Variants in SZT2 observed in about 807,000 individuals in gnomAD.
SZT2 encodes the protein SZT2 subunit of KICSTOR complex.
A neutral mutation model predicts 404.2 loss-of-function variants in SZT2; 216 were observed. The ratio of observed to expected loss-of-function variants is 0.53; its 90% CI spans 0.48 to 0.60. The LOEUF is 0.60. Among genes scored for constraint, SZT2 ranks in the 20% least tolerant of loss-of-function variants. The probability of loss-of-function intolerance (pLI) is 0.00; values close to 1 mark genes in which losing one functional copy is unlikely to be tolerated. For synonymous variants in SZT2, 1,693 were observed against 1,749.9 expected (o/e 0.97, Z 0.81); for missense variants, 3,857 against 4,459.2 (o/e 0.86, Z 3.85).
Position 43,437,199 on chromosome 1 carries a change from C to T in SZT2, c.6063C>T (p.Pro2021=). 1 of 1,614,148 alleles carries T rather than the reference C, an allele frequency of 6.2e-7. No individual in the cohort carries two copies. Residue 2021 remains proline, a synonymous_variant, in exon 43 of 72, where the codon CCC becomes CCT. Coordinates refer to ENST00000634258, the MANE Select transcript of SZT2 (RefSeq NM_001365999.1). The surrounding 1 kb of genome is among the most constrained non-coding windows in gnomAD (Gnocchi z 5.3). The part of the protein sequence containing the change: ...DDYAADESCA[P]RGYLAATMQF... Reference sequence around the variant, plus strand: ...ATGCTGCTGATGAGAGCTGTGCGCCCCGTGGGTACCTGGCAGCCACAATGC... The same window carrying T: ...ATGCTGCTGATGAGAGCTGTGCGCCTCGTGGGTACCTGGCAGCCACAATGC...
Position 43,426,832 on chromosome 1 carries a change from G to C in SZT2, c.3309+23G>C. 2 of 1,610,380 alleles carry C rather than the reference G, an allele frequency of 1.2e-6. No individual in the cohort carries two copies. Among genetic ancestry groups the C allele is most frequent in the East Asian group, 4.5e-5 (2 of 44,804 alleles). On this transcript the variant is annotated intron_variant, in intron 23 of 71. Transcript: ENST00000634258. This position sits in a 1 kb window ranked among gnomAD's most constrained non-coding sequence, Gnocchi z 4.9. ...CTGGTCAGCACCGATTCTTCTCCCT[G>C]AGCCCTTGTCACACTGACCTCCTTC...
In SZT2 at chr1:43,426,872, C is replaced by A; in HGVS notation, c.3309+63C>A. The A allele has an allele frequency of 6.4e-7, 1 of 1,573,358 alleles. No individual in the cohort carries two copies. ...TGACCTCCTTCCAGCACCACATCTTCAGGCCCCAACCTTCTACCGCCCTTG... is the reference window on the plus strand; with the variant it reads ...TGACCTCCTTCCAGCACCACATCTTAAGGCCCCAACCTTCTACCGCCCTTG... On this transcript the variant is annotated intron_variant, in intron 23 of 71. Transcript: ENST00000634258. This position sits in a 1 kb window ranked among gnomAD's most constrained non-coding sequence, Gnocchi z 4.9.
intron 62 of SZT2, among the ~76,000 whole-genome samples, chr1:43,444,927 C>T (rs1217166615): frequency 6.6e-6 from 1 of 152,184 alleles, no homozygotes; most frequent in Non-Finnish European, 1.5e-5. Flanking sequence ...AGTTCCAACT[C>T]TCTCATGTTT....
Position 43,420,173 on chromosome 1 carries a change from A to G in SZT2, c.1111A>G (p.Asn371Asp). Residue 371 changes from asparagine (N) to aspartate (D), a missense_variant, in exon 9 of 72, where the codon AAT (asparagine) becomes GAT (aspartate). Around this residue, in one of 7 missense-constraint regions of SZT2, gnomAD observed 536 missense variants for 637.4 expected, o/e 0.84. Coordinates refer to ENST00000634258, the MANE Select transcript of SZT2 (RefSeq NM_001365999.1). The surrounding 1 kb of genome is among the most constrained non-coding windows in gnomAD (Gnocchi z 5.1). Reference sequence around the variant, plus strand: ...TCCAGGCTCTCAGCACCGCCTATTTAATGAGCACCTGGTCTCTGCAAGCAG... The same window carrying G: ...TCCAGGCTCTCAGCACCGCCTATTTGATGAGCACCTGGTCTCTGCAAGCAG... ...YYCGSQHRLFNEHLVSASSNP... is the reference protein window; with the variant it reads ...YYCGSQHRLFDEHLVSASSNP... 2 of 1,598,378 alleles carry G rather than the reference A, an allele frequency of 1.3e-6. No individual in the cohort carries two copies. Among genetic ancestry groups the G allele is most frequent in the Non-Finnish European group, 1.7e-6 (2 of 1,179,766 alleles).
rs1654881590 is a variant in SZT2 at position 43,439,923 on chromosome 1, A to C, written c.7085A>C (p.Lys2362Thr). The C allele has an allele frequency of 6.2e-7, 1 of 1,611,012 alleles. No individual in the cohort carries two copies. Among genetic ancestry groups the C allele is most frequent in the Non-Finnish European group, 8.5e-7 (1 of 1,178,432 alleles). ...APRLRLDVWE[K>T]GNISIVQLEE... ...CGGCTTCGATTGGATGTGTGGGAAAAGGGGAACATTAGTATTGTGCAGCTG... is the reference window on the plus strand; with the variant it reads ...CGGCTTCGATTGGATGTGTGGGAAACGGGGAACATTAGTATTGTGCAGCTG... The change falls in exon 51 of 72, where the codon AAG becomes ACG. Residue 2362 changes from lysine (K) to threonine (T), a missense_variant. Coordinates refer to ENST00000634258, the MANE Select transcript of SZT2 (RefSeq NM_001365999.1). This position sits in a 1 kb window ranked among gnomAD's most constrained non-coding sequence, Gnocchi z 4.2.
intron 41 of SZT2, among the ~76,000 whole-genome samples, chr1:43,434,856 A>G (rs780898157): frequency 2.0e-5 from 3 of 152,210 alleles, no homozygotes; most frequent in Non-Finnish European, 4.4e-5. Context: ...TACTTCAATT[A>G]CAATTGTGAA....
intron 4 of SZT2, 138 bp downstream of exon 4, chr1:43,404,688 C>T: frequency 1.2e-6 from 1 of 811,122 alleles, no homozygotes; most frequent in Non-Finnish European, 1.9e-6. Context: ...TTCTAGTCAT[C>T]CTCATGAGTC....
At chr1:43,449,629 G>C (rs563765867) in intron 70 of SZT2, 1 of 194,968 alleles carries the variant, frequency 5.1e-6, no homozygotes, top group Admixed American at 5.2e-5. Context: ...TCAGGGATTC[G>C]AGCTCAGGAG....
In SZT2 at chr1:43,437,567, T is replaced by C. The variant is rs557038573; in HGVS notation, c.6291-28T>C. ...ATTAAGGATGGCCTGGGAGGAGGCA[T>C]GTCCAAAGACATGCTGCTCTTTCCC... On this transcript the variant is annotated intron_variant, in intron 44 of 71. Coordinates refer to ENST00000634258, the MANE Select transcript of SZT2 (RefSeq NM_001365999.1). The surrounding 1 kb of genome is among the most constrained non-coding windows in gnomAD (Gnocchi z 5.3). 7 of 1,614,034 alleles carry C rather than the reference T, an allele frequency of 4.3e-6. No individual in the cohort carries two copies. The East Asian group carries it at 1.3e-4, about 31-fold the overall frequency.
chr1:43,415,049 GT>G, intron 4 of SZT2, 32 bp from the exon 5 acceptor site: 1 of 1,592,808 alleles, frequency 6.3e-7, no homozygotes, highest in East Asian at 2.2e-5. Context: ...CACCCTGACC[GT>G]CCTGTCTCAG....
rs772152391 is a variant in SZT2 at position 43,451,642 on chromosome 1, T to G, written c.*1162T>G. ...AGGGTGGGAGGGCAAAGGAAGGTCC[T>G]CTCACCAACAATGGGCAGGAACTCC... On this transcript the variant is annotated 3_prime_UTR_variant, in exon 72 of 72. Coordinates refer to ENST00000634258, the MANE Select transcript of SZT2 (RefSeq NM_001365999.1). The G allele has an allele frequency of 6.2e-7, 1 of 1,613,978 alleles. No individual in the cohort carries two copies. The highest frequency in any genetic ancestry group is 1.1e-5 in the South Asian group (1 of 91,090).
rs1652278470 is a variant in SZT2 at position 43,420,927 on chromosome 1, C to G, written c.1440C>G (p.Pro480=). 1 of 1,598,338 alleles carries G rather than the reference C, an allele frequency of 6.3e-7. No individual in the cohort carries two copies. The highest frequency in any genetic ancestry group is 1.3e-5 in the African/African-American group (1 of 74,922). ...LHDVSCALRQ[P]IRSLYRTHVI... ...ATGTGTCCTGTGCACTAAGGCAGCC[C>G]ATTCGTTCATTGTATCGTACCCATG... is the stretch of plus-strand genomic sequence containing the variant. Residue 480 remains proline, a synonymous_variant, in exon 10 of 72, where the codon CCC becomes CCG. Transcript: ENST00000634258. The surrounding 1 kb of genome is among the most constrained non-coding windows in gnomAD (Gnocchi z 5.1).
chr1:43,440,390 TCA>T (rs1654932903), intron 51 of SZT2, 61 bp from the exon 52 acceptor site: 6 of 1,517,630 alleles, frequency 4.0e-6, no homozygotes, highest in Non-Finnish European at 5.3e-6. Flanking sequence ...GTCTTGAGGT[TCA>T]GTTTTCTAGA....
chr1:43,426,263 A>T lies in SZT2; in HGVS notation c.3044-105A>T. On this transcript the variant is annotated intron_variant, in intron 21 of 71. Coordinates refer to ENST00000634258, the MANE Select transcript of SZT2 (RefSeq NM_001365999.1). The surrounding 1 kb of genome is among the most constrained non-coding windows in gnomAD (Gnocchi z 4.9). ...AAGTGAGCAGATGAGTGGTGGGGGCAGGAGGAGCCCATGAGGCTGAAGGAG... is the reference window on the plus strand; with the variant it reads ...AAGTGAGCAGATGAGTGGTGGGGGCTGGAGGAGCCCATGAGGCTGAAGGAG... The T allele has an allele frequency of 1.3e-6, 2 of 1,491,054 alleles. No homozygotes were observed. Among genetic ancestry groups the T allele is most frequent in the Non-Finnish European group, 1.8e-6 (2 of 1,108,316 alleles). The allele number at this position is 1,491,054 out of a possible 1,614,324, so 92.4% of individuals were successfully genotyped here.
rs763369193 is a variant in SZT2, at chr1:43,426,504, G to A, written c.3180G>A (p.Leu1060=). Reference sequence around the variant, plus strand: ...CCCCCGTTGACCAGGCTGCCTTCTTGAGTGAGGTGCTGCGGCGGACCTGCC... The same window carrying A: ...CCCCCGTTGACCAGGCTGCCTTCTTAAGTGAGGTGCTGCGGCGGACCTGCC... ...PLTPVDQAAF[L]SEVLRRTCHV... The change falls in exon 22 of 72, where the codon TTG becomes TTA. Residue 1060 remains leucine (L), a synonymous_variant. Coordinates refer to ENST00000634258, the MANE Select transcript of SZT2 (RefSeq NM_001365999.1). The surrounding 1 kb of genome is among the most constrained non-coding windows in gnomAD (Gnocchi z 4.9). 4 of 1,594,764 alleles carry A rather than the reference G, an allele frequency of 2.5e-6. No homozygotes were observed. Among genetic ancestry groups the A allele is most frequent in the Non-Finnish European group, 8.5e-7 (1 of 1,178,308 alleles).
intron 42 of SZT2, 98 bp downstream of exon 42, chr1:43,435,427 T>C: frequency 7.0e-7 from 1 of 1,422,190 alleles, no homozygotes; most frequent in Non-Finnish European, 9.5e-7. Context: ...TCCTCATTAC[T>C]TGGTCATCAG....
At position 43,439,523 on chromosome 1, in the gene SZT2, C is replaced by G; in HGVS notation, c.6877+81C>G. ...ATCCTATTGCTAAGAGGACATTTCC[C>G]AGGCTTGCAGCTGAGTGGAGGGTCG... On this transcript the variant is annotated intron_variant, in intron 49 of 71. Coordinates refer to ENST00000634258, the MANE Select transcript of SZT2 (RefSeq NM_001365999.1). The surrounding 1 kb of genome is among the most constrained non-coding windows in gnomAD (Gnocchi z 4.2). 6.2e-7 allele frequency: 1 copy of G among 1,600,906 alleles called. No homozygotes were observed. Among genetic ancestry groups the G allele is most frequent in the Non-Finnish European group, 8.5e-7 (1 of 1,172,334 alleles).
At chr1:43,414,591 T>A (rs1407254627) in intron 4 of SZT2, among the ~76,000 whole-genome samples, 4 of 152,058 alleles carry the variant, frequency 2.6e-5, no homozygotes, top group African/African-American at 7.2e-5. Context: ...CAGCTAATTT[T>A]TGTAAAATTG....
intron 66 of SZT2, 97 bp from the exon 67 acceptor site, chr1:43,447,448 C>T (rs897239218): frequency 1.5e-5 from 23 of 1,494,522 alleles, no homozygotes; most frequent in Non-Finnish European, 2.1e-5. Flanking sequence ...CTCTGCCTGC[C>T]AGTCAGAGCC....
Sources: gnomAD v4.1 joint callset for allele counts (sites outside exome capture counted in the v4.1 genomes callset) on GRCh38, gnomAD v4.1.1 for gene constraint, gnomAD v4.1.1 regional missense constraint, Gnocchi (gnomAD v3.1) non-coding constraint, MANE v1.5 for transcripts, NCBI Gene and HGNC (gene_info 2026-07-23, HGNC 2026-07-21) for gene names.